THSD7B: variants seen among roughly 807,000 people sequenced by gnomAD.
THSD7B encodes the protein thrombospondin type-1 domain-containing protein 7B.
THSD7B carries 138 observed loss-of-function variants against 213.6 expected under a neutral mutation model. That is an observed-to-expected ratio of 0.65 (90% confidence interval 0.56 to 0.74). The LOEUF is 0.74. Among genes scored for constraint, THSD7B ranks in the 30% least tolerant of loss-of-function variants. The pLI, the probability that THSD7B is intolerant of heterozygous loss-of-function variation, is 0.00. For synonymous variants in THSD7B, 742 were observed against 687.0 expected, an observed-to-expected ratio of 1.08 and a Z score of -1.25; for missense variants, 1,931 against 1,991.5, an observed-to-expected ratio of 0.97 and a Z score of 0.58.
At chr2:136,950,987 G>T (rs1243178844) in intron 2 of THSD7B, among the ~76,000 whole-genome samples, 1 of 152,150 alleles carries the variant, frequency 6.6e-6, no homozygotes, top group African/African-American at 2.4e-5. Flanking sequence ...ACGTTTGGTG[G>T]CTAGATACTG....
chr2:137,153,243 T>G (rs1371331914), intron 5 of THSD7B, among the ~76,000 whole-genome samples: 1 of 152,208 alleles, frequency 6.6e-6, no homozygotes, highest in African/African-American at 2.4e-5. Context: ...GAGGAGTGTT[T>G]TTCTATCTTT....
chr2:137,285,120 C>T (rs1235366202), intron 12 of THSD7B, among the ~76,000 whole-genome samples: 2 of 152,120 alleles, frequency 1.3e-5, no homozygotes, highest in Non-Finnish European at 2.9e-5. Flanking sequence ...ATAGTTAGTT[C>T]TTCTTGTTGA....
rs911693300 is a variant in THSD7B at position 137,520,505 on chromosome 2, G to A, written c.3139-42716G>A. On this transcript the variant is annotated intron_variant, in intron 15 of 27. Transcript: ENST00000409968. ...TCTCCTTATGTGTGTATAGCTGAAT[G>A]CAGACCTAAAACTAATTCTCAGTGC... is the stretch of plus-strand genomic sequence containing the variant. Among the ~76,000 whole-genome samples, 5 of 152,204 alleles carry A rather than the reference G, an allele frequency of 3.3e-5. No homozygotes were observed. In the East Asian group the frequency reaches 9.6e-4, roughly 29 times the overall value.
chr2:136,819,185 A>G (rs1682531961), intron 1 of THSD7B, among the ~76,000 whole-genome samples: 1 of 152,222 alleles, frequency 6.6e-6, no homozygotes, highest in African/African-American at 2.4e-5. Flanking sequence ...CCATGGTCAA[A>G]TGGTCATTTA....
At chr2:137,384,883 C>T (rs1685856903) in intron 12 of THSD7B, among the ~76,000 whole-genome samples, 1 of 152,076 alleles carries the variant, frequency 6.6e-6, no homozygotes, top group African/African-American at 2.4e-5. Context: ...CATCACATGG[C>T]CCCTACAAAC....
intron 2 of THSD7B, among the ~76,000 whole-genome samples, chr2:136,969,625 G>A (rs1374873262): frequency 6.6e-6 from 1 of 152,114 alleles, no homozygotes; most frequent in Non-Finnish European, 1.5e-5. Flanking sequence ...TGAAAATAGT[G>A]AAACTATTTA....
chr2:137,445,363 A>C (rs917180397), intron 14 of THSD7B, among the ~76,000 whole-genome samples: 1 of 152,208 alleles, frequency 6.6e-6, no homozygotes, highest in Admixed American at 6.5e-5. Flanking sequence ...CTAAGTGCCC[A>C]TCAACAGATG....
intron 12 of THSD7B, among the ~76,000 whole-genome samples, chr2:137,366,120 T>G (rs979062765): frequency 5.9e-5 from 9 of 152,084 alleles, no homozygotes; most frequent in Non-Finnish European, 1.0e-4. Context: ...AAACCATCAT[T>G]CTGAGCAAAC....
intron 3 of THSD7B, among the ~76,000 whole-genome samples, chr2:137,070,817 G>T (rs913320567): frequency 1.3e-5 from 2 of 151,950 alleles, no homozygotes; most frequent in Non-Finnish European, 2.9e-5. Flanking sequence ...GCGGTGTTTG[G>T]TTTTTTGTCC....
At chr2:137,065,407 A>AT (rs1687356995) in intron 3 of THSD7B, among the ~76,000 whole-genome samples, 1 of 151,538 alleles carries the variant, frequency 6.6e-6, no homozygotes, top group African/African-American at 2.4e-5. Flanking sequence ...ATTTTTGTGG[A>AT]TTTTTTCGGT....
chr2:137,531,699 C>T lies in THSD7B; in HGVS notation c.3139-31522C>T, dbSNP rs191551516. 6.5e-3 allele frequency among the ~76,000 whole-genome samples: 991 copies of T among 152,086 alleles called. 4 individuals are homozygous for T. Among genetic ancestry groups the T allele is most frequent in the Non-Finnish European group, 9.6e-3 (651 of 67,936 alleles). On this transcript the variant is annotated intron_variant, in intron 15 of 27. Coordinates refer to ENST00000409968, the MANE Select transcript of THSD7B (RefSeq NM_001316349.2). Reference sequence around the variant, plus strand: ...TGATTTCTGCATACAAATTTTTACACCTGCAGTTAACTGCAAGGGCTAGAG... The same window carrying T: ...TGATTTCTGCATACAAATTTTTACATCTGCAGTTAACTGCAAGGGCTAGAG...
chr2:136,945,789 C>T (rs1247695694), intron 2 of THSD7B, among the ~76,000 whole-genome samples: 6 of 152,302 alleles, frequency 3.9e-5, no homozygotes, highest in Admixed American at 1.3e-4. Context: ...GCATGCGTCA[C>T]GTGGTTCTCA....
intron 3 of THSD7B, among the ~76,000 whole-genome samples, chr2:137,089,352 ATG>A (rs1280014858): frequency 1.4e-5 from 2 of 147,182 alleles, no homozygotes; most frequent in Non-Finnish European, 3.0e-5. Flanking sequence ...ATATACATAT[ATG>A]TGTGTGTATA....
intron 1 of THSD7B, among the ~76,000 whole-genome samples, chr2:136,777,012 C>T (rs909918044): frequency 1.3e-5 from 2 of 151,984 alleles, no homozygotes; most frequent in South Asian, 2.1e-4. Context: ...TGTTGGGACT[C>T]GACATGTGTT....
chr2:137,609,070 C>T (rs1402603029), intron 17 of THSD7B, among the ~76,000 whole-genome samples: 1 of 152,162 alleles, frequency 6.6e-6, no homozygotes, highest in African/African-American at 2.4e-5. Flanking sequence ...ATCTCAACCC[C>T]CTGGGGAGGC....
chr2:137,252,159 C>T (rs901874269), intron 10 of THSD7B, among the ~76,000 whole-genome samples: 4 of 147,258 alleles, frequency 2.7e-5, no homozygotes, highest in East Asian at 2.1e-4. Context: ...CCCAGCTACT[C>T]GTGAGGCTGA....
At chr2:137,616,560 A>T (rs748532159) in intron 18 of THSD7B, among the ~76,000 whole-genome samples, 1 of 152,238 alleles carries the variant, frequency 6.6e-6, no homozygotes, top group Non-Finnish European at 1.5e-5. Flanking sequence ...AGATTTGGCA[A>T]CATTTCAGCA....
In THSD7B at chr2:137,162,761, C is replaced by T. The variant is rs138646791; in HGVS notation, c.1525+2393C>T. Among the ~76,000 whole-genome samples, 659 of 151,250 alleles carry T rather than the reference C, an allele frequency of 4.4e-3. 3 individuals are homozygous for T. The highest frequency in any genetic ancestry group is 7.1e-3 in the Non-Finnish European group (481 of 67,856). The stretch of plus-strand genomic sequence containing the variant: ...CCCTTTCCCTTTTCCTTTCACTTTC[C>T]ATTTCCCTTTCCCCTTCTTTTGAGT... On this transcript the variant is annotated intron_variant, in intron 6 of 27. Transcript: ENST00000409968.
chr2:137,006,214 A>C (rs2104829508), intron 2 of THSD7B, among the ~76,000 whole-genome samples: 1 of 152,204 alleles, frequency 6.6e-6, no homozygotes, highest in South Asian at 2.1e-4. Context: ...TAACACGGTG[A>C]AACCCCGTCT....
Sources: gnomAD v4.1 joint callset for allele counts (sites outside exome capture counted in the v4.1 genomes callset) on GRCh38, gnomAD v4.1.1 for gene constraint, MANE v1.5 for transcripts, NCBI Gene and HGNC (gene_info 2026-07-23, HGNC 2026-07-21) for gene names.